Variants in TRIM58 observed in about 807,000 individuals in gnomAD.
The protein encoded by TRIM58 is tripartite motif containing 58, also known as E3 ubiquitin-protein ligase TRIM58.
Under a neutral mutation model 34.1 loss-of-function variants are expected in TRIM58, and 38 were observed. The observed-to-expected ratio is 1.12, with a 90% confidence interval of 0.86 to 1.46. The LOEUF (loss-of-function observed/expected upper bound fraction) is 1.46. Among genes scored for constraint, TRIM58 ranks in the 40% most tolerant of loss-of-function variants. TRIM58 has a pLI of 0.00. For synonymous variants in TRIM58, 273 were observed against 275.7 expected (o/e 0.99, Z 0.10); for missense variants, 677 against 642.0 (o/e 1.05, Z -0.59).
chr1:247,861,508 G>T (rs1264036331), intron 2 of TRIM58, among the ~76,000 whole-genome samples: 1 of 152,128 alleles, frequency 6.6e-6, no homozygotes, highest in Non-Finnish European at 1.5e-5. Flanking sequence ...GTAGTGTCAA[G>T]ATTGAGAAAC....
chr1:247,858,976 A>G (rs1221190067), intron 1 of TRIM58, among the ~76,000 whole-genome samples: 1 of 151,988 alleles, frequency 6.6e-6, no homozygotes, highest in African/African-American at 2.4e-5. Context: ...TGTGTTGGCC[A>G]GGCTGGTCTT....
At chr1:247,874,586 G>A (rs1383387779) in intron 5 of TRIM58, among the ~76,000 whole-genome samples, 1 of 152,076 alleles carries the variant, frequency 6.6e-6, no homozygotes, top group Non-Finnish European at 1.5e-5. Flanking sequence ...CCTTCACTGA[G>A]GTTTCATATC....
intron 1 of TRIM58, among the ~76,000 whole-genome samples, chr1:247,857,872 CATT>C (rs1663677646): frequency 6.6e-6 from 1 of 152,134 alleles, no homozygotes; most frequent in Non-Finnish European, 1.5e-5. Context: ...GACACACACC[CATT>C]ATTTTACACC....
chr1:247,874,471 T>G (rs559861781), intron 5 of TRIM58, among the ~76,000 whole-genome samples: 1 of 152,290 alleles, frequency 6.6e-6, no homozygotes, highest in South Asian at 2.1e-4. Flanking sequence ...GAATCACATT[T>G]CAACATGAGA....
intron 5 of TRIM58, among the ~76,000 whole-genome samples, chr1:247,871,787 C>A (rs900490588): frequency 6.6e-6 from 1 of 152,256 alleles, no homozygotes; most frequent in East Asian, 1.9e-4. Context: ...CTCTACAATC[C>A]GTAGCTTTGT....
Position 247,876,456 on chromosome 1 carries a change from T to A in TRIM58, c.1428T>A (p.Asp476Glu). ...ATTGGGCATCCAGGGATCATTTAGA[T>A]CCTGCTTCTGATGTAAGAGATGATC... ...SGNWASRDHL[D>E]PASDVRDDHL Residue 476 changes from aspartate (D) to glutamate (E), a missense_variant, in exon 6 of 6, where the codon GAT (aspartate) becomes GAA (glutamate). Physicochemically the swap from Asp to Glu is conservative, Grantham distance 45 (BLOSUM62 2). Transcript: ENST00000366481. 1 of 1,614,104 alleles carries A rather than the reference T, an allele frequency of 6.2e-7. No homozygotes were observed. The highest frequency in any genetic ancestry group is 1.3e-5 in the African/African-American group (1 of 75,050).
In TRIM58 at chr1:247,857,608, G is replaced by A. The variant is rs907791500; in HGVS notation, c.362G>A (p.Gly121Asp). 4.0e-6 allele frequency: 5 copies of A among 1,258,302 alleles called. No individual in the cohort carries two copies. In the South Asian group the frequency reaches 1.5e-4, roughly 39 times the overall value. 77.9% of individuals were successfully genotyped at this position (1,258,302 alleles called of 1,614,324 possible). ...EAALCWVCDA[G>D]PEHRTHRTAP... ...GCGCTGTGCTGGGTGTGCGACGCCGGCCCCGAGCACAGGACGCACCGCACG... is the reference window on the plus strand; with the variant it reads ...GCGCTGTGCTGGGTGTGCGACGCCGACCCCGAGCACAGGACGCACCGCACG... Residue 121 changes from glycine to aspartate, a missense_variant, in exon 1 of 6, where the codon GGC becomes GAC. Transcript: ENST00000366481.
At chr1:247,857,771 C>G in intron 1 of TRIM58, 105 bp downstream of exon 1, 1 of 1,186,590 alleles carries the variant, frequency 8.4e-7, no homozygotes, top group Non-Finnish European at 1.0e-6. Context: ...GCGGCTCCCA[C>G]GGCCGCTCCC....
At position 247,875,933 on chromosome 1, in the gene TRIM58, C is replaced by T. The variant is rs1277659091; in HGVS notation, c.905C>T (p.Pro302Leu). The T allele has an allele frequency of 6.2e-6, 10 of 1,613,666 alleles. No individual in the cohort carries two copies. The highest frequency in any genetic ancestry group is 1.6e-4 in the Middle Eastern group (1 of 6,084). The stretch of plus-strand genomic sequence containing the variant: ...AAGCTGGATCCCGCCACGGCGCACC[C>T]GAGTCTGCTCTTGACCGCCGACCTG... ...DVKLDPATAHPSLLLTADLRS... is the reference protein window; with the variant it reads ...DVKLDPATAHLSLLLTADLRS... The change falls in exon 6 of 6, where the codon CCG (proline) becomes CTG (leucine). Residue 302 changes from proline (P) to leucine (L), a missense_variant. By Grantham distance (98) the Pro-to-Leu change is moderately conservative (BLOSUM62 -3). Coordinates refer to ENST00000366481, the MANE Select transcript of TRIM58 (RefSeq NM_015431.4).
rs1663969752 is a variant in TRIM58, at chr1:247,868,016, C to T, written c.824C>T (p.Thr275Ile). The T allele has an allele frequency of 6.2e-7, 1 of 1,611,944 alleles. No homozygotes were observed. Among genetic ancestry groups the T allele is most frequent in the Non-Finnish European group, 8.5e-7 (1 of 1,179,506 alleles). ...EAENIPMELKTACCIPGRREL... is the reference protein window; with the variant it reads ...EAENIPMELKIACCIPGRREL... ...GAGAACATCCCCATGGAACTGAAGA[C>T]AGCATGCTGCATCCCTGGGAGGAGG... Residue 275 changes from threonine (T) to isoleucine (I), a missense_variant, in exon 5 of 6, where the codon ACA becomes ATA. Physicochemically the swap from Thr to Ile is moderately conservative, Grantham distance 89. Transcript: ENST00000366481.
chr1:247,869,827 C>CT (rs1345768866), intron 5 of TRIM58, among the ~76,000 whole-genome samples: 3 of 152,184 alleles, frequency 2.0e-5, no homozygotes, highest in African/African-American at 7.2e-5. Context: ...TAGAAAAAGT[C>CT]TAACATTCAT....
intron 5 of TRIM58, among the ~76,000 whole-genome samples, chr1:247,870,109 A>C (rs1659068776): frequency 6.6e-6 from 1 of 152,292 alleles, no homozygotes; most frequent in East Asian, 1.9e-4. Context: ...AAATTAATTA[A>C]AATGCAGGGA....
chr1:247,873,690 G>A (rs1659200987), intron 5 of TRIM58, among the ~76,000 whole-genome samples: 1 of 152,138 alleles, frequency 6.6e-6, no homozygotes, highest in Non-Finnish European at 1.5e-5. Flanking sequence ...TCACTAGACC[G>A]GGCGTGGCAG....
intron 5 of TRIM58, among the ~76,000 whole-genome samples, chr1:247,872,449 G>A (rs1055946873): frequency 6.6e-6 from 1 of 152,218 alleles, no homozygotes; most frequent in African/African-American, 2.4e-5. Flanking sequence ...AGCCATGAAT[G>A]ATTCCAAGGT....
In TRIM58 at chr1:247,857,629, G is replaced by T; in HGVS notation, c.383G>T (p.Arg128Leu). ...GCCGGCCCCGAGCACAGGACGCACC[G>T]CACGGCGCCGCTGCAGGAGGCCGCC... ...CDAGPEHRTH[R>L]TAPLQEAAGS... The change falls in exon 1 of 6, where the codon CGC becomes CTC. Residue 128 changes from arginine to leucine, a missense_variant. By Grantham distance (102) the Arg-to-Leu change is moderately radical. Transcript: ENST00000366481. 8.1e-7 allele frequency: 1 copy of T among 1,241,078 alleles called. No homozygotes were observed. Among genetic ancestry groups the T allele is most frequent in the Non-Finnish European group, 1.0e-6 (1 of 993,336 alleles). The allele number at this position is 1,241,078 out of a possible 1,614,324, so 76.9% of individuals were successfully genotyped here.
At chr1:247,866,293 C>T (rs1056381328) in intron 3 of TRIM58, among the ~76,000 whole-genome samples, 5 of 152,260 alleles carry the variant, frequency 3.3e-5, no homozygotes, top group Non-Finnish European at 5.9e-5. Flanking sequence ...TCTCCTGCCT[C>T]AGCCTCCTGA....
chr1:247,866,166 G>A (rs1406319676), intron 3 of TRIM58, among the ~76,000 whole-genome samples: 1 of 151,852 alleles, frequency 6.6e-6, no homozygotes, highest in African/African-American at 2.4e-5. Flanking sequence ...GAACTTTGAC[G>A]GTTTCTTTTC....
At chr1:247,857,866 C>T (rs1663677137) in intron 1 of TRIM58, among the ~76,000 whole-genome samples, 200 bp downstream of exon 1, 1 of 152,130 alleles carries the variant, frequency 6.6e-6, no homozygotes, top group Admixed American at 6.5e-5. Context: ...CTTTGCGACA[C>T]ACACCCATTA....
chr1:247,875,364 C>T (rs892247188), intron 5 of TRIM58, among the ~76,000 whole-genome samples: 1 of 152,110 alleles, frequency 6.6e-6, no homozygotes, highest in Non-Finnish European at 1.5e-5. Context: ...TAAGTGCACT[C>T]AAATGCTTTG....
Sources: allele counts gnomAD v4.1 joint callset (sites outside exome capture counted in the v4.1 genomes callset), GRCh38; gene constraint gnomAD v4.1.1; transcripts MANE v1.5; gene names NCBI Gene and HGNC (gene_info 2026-07-23, HGNC 2026-07-21).